Variants in NRP2 observed in about 807,000 individuals in gnomAD.
NRP2 encodes neuropilin 2.
NRP2 carries 52 observed loss-of-function variants against 110.4 expected under a neutral mutation model. That is an observed-to-expected ratio of 0.47 (90% confidence interval 0.38 to 0.59). The LOEUF (loss-of-function observed/expected upper bound fraction) is 0.59, where lower values mean the gene tolerates loss of function less well. Among genes scored for constraint, NRP2 ranks in the 20% least tolerant of loss-of-function variants. The probability of loss-of-function intolerance (pLI) is 0.00; values close to 1 mark genes in which losing one functional copy is unlikely to be tolerated. For synonymous variants in NRP2, 508 were observed against 468.9 expected, an observed-to-expected ratio of 1.08 and a Z score of -1.08; for missense variants, 1,049 against 1,203.0, an observed-to-expected ratio of 0.87 and a Z score of 1.89.
Position 205,725,933 on chromosome 2 carries a change from C to T in NRP2, c.841C>T (p.Leu281=). 1 of 1,614,182 alleles carries T rather than the reference C, an allele frequency of 6.2e-7. No homozygotes were observed. The highest frequency in any genetic ancestry group is 8.5e-7 in the Non-Finnish European group (1 of 1,180,036). The change falls in exon 6 of 17, where the codon CTG becomes TTG. Residue 281 remains leucine, a synonymous_variant. Coordinates refer to ENST00000357785, the MANE Select transcript of NRP2 (RefSeq NM_003872.3). This position sits in a 1 kb window ranked among gnomAD's most constrained non-coding sequence, Gnocchi z 4.1. ...CCCAGACTTTCAGTGCAATGTTCCT[C>T]TGGGCATGGAGTCTGGCCGGATTGC... ...PLENFQCNVP[L]GMESGRIANE...
In NRP2 at chr2:205,783,873, G is replaced by A. The variant is rs879384619; in HGVS notation, c.2426-8362G>A. On this transcript the variant is annotated intron_variant, in intron 15 of 16. Coordinates refer to ENST00000357785, the MANE Select transcript of NRP2 (RefSeq NM_003872.3). ...GAGTGTGTGTGGCTATATAGGTCCA[G>A]TGTGTGCTTTCCCTGACCTGCCAAA... Among the ~76,000 whole-genome samples the A allele has an allele frequency of 2.0e-5, 3 of 152,208 alleles. No homozygotes were observed. In the South Asian group the frequency reaches 6.2e-4, roughly 31 times the overall value.
chr2:205,741,502 A>C (rs181746648), intron 8 of NRP2, among the ~76,000 whole-genome samples: 362 of 152,314 alleles, frequency 2.4e-3, no homozygotes, highest in Non-Finnish European at 3.8e-3. Context: ...TGTAGATTGG[A>C]GAAGACCAGA....
At position 205,796,037 on chromosome 2, in the gene NRP2, CAGGGGAAAATAG is replaced by C. The variant is rs1388933852; in HGVS notation, c.*984_*995del. 1 of 152,188 alleles carries C rather than the reference CAGGGGAAAATAG, an allele frequency of 6.6e-6. No individual in the cohort carries two copies. The highest frequency in any genetic ancestry group is 1.5e-5 in the Non-Finnish European group (1 of 68,058). 9.4% of individuals were successfully genotyped at this position (152,188 alleles called of 1,614,324 possible). On this transcript the variant is annotated 3_prime_UTR_variant, in exon 17 of 17. Transcript: ENST00000357785. ...CAGCATTGTGTGATATTCTCAGAGGCAGGGGAAAATAGAGGGAAAAATAGAGACTATTGGTAT... is the reference window on the plus strand; with the variant it reads ...CAGCATTGTGTGATATTCTCAGAGGCAGGGAAAAATAGAGACTATTGGTAT...
At chr2:205,714,548 T>A (rs955975124) in intron 2 of NRP2, among the ~76,000 whole-genome samples, 1 of 152,228 alleles carries the variant, frequency 6.6e-6, no homozygotes, top group Non-Finnish European at 1.5e-5. Context: ...AGCGTCTTTT[T>A]ACTTTTGTTT....
At chr2:205,717,372 G>T (rs1452721792) in intron 3 of NRP2, among the ~76,000 whole-genome samples, 1 of 152,194 alleles carries the variant, frequency 6.6e-6, no homozygotes, top group African/African-American at 2.4e-5. Context: ...GCCCAAGACC[G>T]GCGCCTGTTG....
intron 10 of NRP2, among the ~76,000 whole-genome samples, chr2:205,746,963 C>T (rs909574600): frequency 6.6e-6 from 1 of 152,160 alleles, no homozygotes; most frequent in Non-Finnish European, 1.5e-5. Context: ...CATAGGAAGA[C>T]ACTTAACTCC....
rs1416480704 is a variant in NRP2 at position 205,722,172 on chromosome 2, TACACA to T, written c.434-305_434-301del. The T allele has an allele frequency of 4.0e-3, 1,111 of 279,214 alleles. 3 individuals carry two copies. The highest frequency in any genetic ancestry group is 5.1e-3 in the Non-Finnish European group (741 of 145,654). The allele number at this position is 279,214 out of a possible 1,614,324, so 17.3% of individuals were successfully genotyped here. A position where few individuals can be genotyped will look rare whatever the true frequency, so the allele number is the denominator to read the frequency against. ...TCTCTCTCTCTCTCTCTCTCTCTCA[TACACA>T]CACACACACACACACACACACACAC... On this transcript the variant is annotated intron_variant, in intron 3 of 16. Transcript: ENST00000357785.
At chr2:205,705,506 C>G in intron 2 of NRP2, among the ~76,000 whole-genome samples, 1 of 152,316 alleles carries the variant, frequency 6.6e-6, no homozygotes, top group Admixed American at 6.5e-5. Context: ...AGCCAAGCAT[C>G]TTGGCAGTCT....
At chr2:205,716,553 C>A (rs1395745930) in intron 3 of NRP2, among the ~76,000 whole-genome samples, 179 bp downstream of exon 3, 3 of 52,452 alleles carry the variant, frequency 5.7e-5, no homozygotes, top group African/African-American at 2.3e-4. Flanking sequence ...GATTATCCAC[C>A]AGCTTAAGGG....
At chr2:205,737,389 A>G (rs1311400716) in intron 7 of NRP2, among the ~76,000 whole-genome samples, 1 of 152,192 alleles carries the variant, frequency 6.6e-6, no homozygotes, top group Non-Finnish European at 1.5e-5. Flanking sequence ...CTACAAATCA[A>G]CTCATACAAT....
intron 13 of NRP2, among the ~76,000 whole-genome samples, chr2:205,764,949 AAATGGCTGGTG>A (rs1364297410): frequency 1.6e-4 from 25 of 152,214 alleles, no homozygotes; most frequent in African/African-American, 6.0e-4. Flanking sequence ...GGTGCTCAGT[AAATGGCTGGTG>A]AAAAAACAAA....
At chr2:205,700,997 A>G in intron 2 of NRP2, 1 of 245,232 alleles carries the variant, frequency 4.1e-6, no homozygotes, top group South Asian at 4.3e-5. Context: ...GGAGTGGAGG[A>G]TGCTAGGATG....
chr2:205,722,596 G>A lies in NRP2; in HGVS notation c.552G>A (p.Lys184=). 6.2e-7 allele frequency: 1 copy of A among 1,614,228 alleles called. No homozygotes were observed. Among genetic ancestry groups the A allele is most frequent in the Non-Finnish European group, 8.5e-7 (1 of 1,180,044 alleles). The change falls in exon 4 of 17, where the codon AAG becomes AAA. Residue 184 remains lysine, a synonymous_variant. Transcript: ENST00000357785. ...CCTTTACCATCCTGGCCAAACCCAA[G>A]ATGGAGATCATCCTGCAGTTCCTGA... ...DCTFTILAKP[K]MEIILQFLIF...
chr2:205,720,787 G>A (rs192072307), intron 3 of NRP2, among the ~76,000 whole-genome samples: 55 of 152,284 alleles, frequency 3.6e-4, no homozygotes, highest in Non-Finnish European at 5.3e-4. Context: ...AAACAAAGCT[G>A]GGGGAGGCAG....
At chr2:205,749,204 T>A (rs1183319349) in intron 10 of NRP2, among the ~76,000 whole-genome samples, 1 of 152,176 alleles carries the variant, frequency 6.6e-6, no homozygotes, top group Non-Finnish European at 1.5e-5. Context: ...CTCTCCAACC[T>A]TCCCCTGCCC....
At chr2:205,790,268 G>C (rs1032195231) in intron 15 of NRP2, among the ~76,000 whole-genome samples, 5 of 152,142 alleles carry the variant, frequency 3.3e-5, no homozygotes, top group Non-Finnish European at 7.3e-5. Flanking sequence ...AGAGACAAGA[G>C]GCCGTGATCT....
At chr2:205,784,121 G>A (rs2058209776) in intron 15 of NRP2, among the ~76,000 whole-genome samples, 1 of 152,158 alleles carries the variant, frequency 6.6e-6, no homozygotes, top group Admixed American at 6.5e-5. Flanking sequence ...GAATTGGAAT[G>A]ATAGTATACC....
At chr2:205,777,829 T>G (rs1260991824) in intron 15 of NRP2, 1 of 152,212 alleles carries the variant, frequency 6.6e-6, no homozygotes, top group Non-Finnish European at 1.5e-5. Context: ...TAAGTGTACC[T>G]ATGTGCTGCC....
chr2:205,754,466 A>G (rs939044000), intron 12 of NRP2, among the ~76,000 whole-genome samples: 2 of 152,214 alleles, frequency 1.3e-5, no homozygotes, highest in Non-Finnish European at 2.9e-5. Context: ...TTGAGTGCTC[A>G]GAGAGATTAA....
Sources: allele counts gnomAD v4.1 joint callset (sites outside exome capture counted in the v4.1 genomes callset), GRCh38; gene constraint gnomAD v4.1.1; non-coding constraint Gnocchi (gnomAD v3.1); transcripts MANE v1.5; gene names NCBI Gene and HGNC (gene_info 2026-07-23, HGNC 2026-07-21).